CHST8: variants seen among roughly 807,000 people sequenced by gnomAD.
CHST8 encodes the protein carbohydrate sulfotransferase 8, also known as GALNAC-4-ST1.
In CHST8, 10 loss-of-function variants were observed where a neutral mutation model predicts 15.0. That is an observed-to-expected ratio of 0.67 (90% CI 0.41 to 1.13). The LOEUF (loss-of-function observed/expected upper bound fraction) is 1.13. CHST8 is among the 50% of genes most tolerant of loss of function. The pLI is 0.00. For missense variants in CHST8, 634 were observed against 608.2 expected (o/e 1.04, Z -0.45); for synonymous variants, 259 against 256.6 (o/e 1.01, Z -0.09).
chr19:33,721,159 T>C (rs1186845767), intron 3 of CHST8, among the ~76,000 whole-genome samples: 1 of 152,164 alleles, frequency 6.6e-6, no homozygotes, highest in African/African-American at 2.4e-5. Context: ...TCGGGGACCC[T>C]CTCTGGGGGC....
intron 3 of CHST8, among the ~76,000 whole-genome samples, chr19:33,733,482 G>T (rs888087896): frequency 3.3e-5 from 5 of 152,094 alleles, no homozygotes; most frequent in Non-Finnish European, 5.9e-5. Context: ...TAATCTACCC[G>T]CCTTGGCCTC....
At position 33,764,089 on chromosome 19, in the gene CHST8, A is replaced by G. The variant is rs546178455; in HGVS notation, c.131-7324A>G. Reference sequence around the variant, plus strand: ...GGGCCCTTCCCAGCTGGGAGGCTCCAGCCAGAACCCTGGGCCCAGCTTCTG... The same window carrying G: ...GGGCCCTTCCCAGCTGGGAGGCTCCGGCCAGAACCCTGGGCCCAGCTTCTG... On this transcript the variant is annotated intron_variant, in intron 3 of 4. Transcript: ENST00000650847. Among the ~76,000 whole-genome samples the G allele has an allele frequency of 2.0e-5, 3 of 152,306 alleles. No individual in the cohort carries two copies. The South Asian group carries it at 6.2e-4, about 32-fold the overall frequency.
intron 3 of CHST8, among the ~76,000 whole-genome samples, chr19:33,762,130 T>TGG (rs1470301630): frequency 6.6e-6 from 1 of 152,178 alleles, no homozygotes; most frequent in Non-Finnish European, 1.5e-5. Flanking sequence ...GGTGATGCAG[T>TGG]GGGTGGCGCG....
intron 3 of CHST8, among the ~76,000 whole-genome samples, chr19:33,750,729 C>G (rs1974400652): frequency 6.6e-6 from 1 of 152,216 alleles, no homozygotes; most frequent in Non-Finnish European, 1.5e-5. Context: ...CCTCACGGTT[C>G]TCTTACAAGG....
chr19:33,772,177 C>T lies in CHST8; in HGVS notation c.389C>T (p.Ser130Leu), dbSNP rs753923654. 29 of 1,597,796 alleles carry T rather than the reference C, an allele frequency of 1.8e-5. No homozygotes were observed. Among genetic ancestry groups the T allele is most frequent in the Non-Finnish European group, 2.3e-5 (27 of 1,174,282 alleles). Reference sequence around the variant, plus strand: ...GCGGCGACCATCCCGGCCAACAGCTCGGACGCGCCCTTCATCCGGCCGGGA... The same window carrying T: ...GCGGCGACCATCCCGGCCAACAGCTTGGACGCGCCCTTCATCCGGCCGGGA... ...PAAATIPANS[S>L]DAPFIRPGPG... The change falls in exon 5 of 5, where the codon TCG (serine) becomes TTG (leucine). Residue 130 changes from serine (S) to leucine (L), a missense_variant. Physicochemically the swap from Ser to Leu is moderately radical, Grantham distance 145 (BLOSUM62 -2). Transcript: ENST00000650847.
intron 3 of CHST8, among the ~76,000 whole-genome samples, chr19:33,746,557 C>T (rs1471852720): frequency 1.3e-5 from 2 of 152,202 alleles, no homozygotes; most frequent in South Asian, 2.1e-4. Flanking sequence ...AGCAGTATTC[C>T]GTAGAATGGA....
At chr19:33,673,803 A>C (rs1972774697) in intron 2 of CHST8, among the ~76,000 whole-genome samples, 1 of 152,050 alleles carries the variant, frequency 6.6e-6, no homozygotes, top group African/African-American at 2.4e-5. Flanking sequence ...GCCCAGGCTG[A>C]AGTGCAGTGG....
At chr19:33,756,100 G>T (rs1175237034) in intron 3 of CHST8, among the ~76,000 whole-genome samples, 27 of 152,328 alleles carry the variant, frequency 1.8e-4, no homozygotes, top group Admixed American at 1.6e-3. Context: ...GGAGAGCGAA[G>T]AACGGGAAGG....
chr19:33,757,526 A>C (rs12609532), intron 3 of CHST8, among the ~76,000 whole-genome samples: 1 of 17,656 alleles, frequency 5.7e-5, no homozygotes, highest in Non-Finnish European at 1.1e-4. Context: ...AAGAAAGAGA[A>C]AGAAAGAAAG....
At chr19:33,709,146 A>G (rs902739017) in intron 3 of CHST8, among the ~76,000 whole-genome samples, 2 of 152,232 alleles carry the variant, frequency 1.3e-5, no homozygotes, top group Non-Finnish European at 2.9e-5. Context: ...TACATACAGA[A>G]TTATGCTCTC....
chr19:33,671,380 A>C (rs1178392880), intron 2 of CHST8, among the ~76,000 whole-genome samples: 2 of 152,080 alleles, frequency 1.3e-5, no homozygotes, highest in African/African-American at 4.8e-5. Context: ...TTCCCAGGCC[A>C]ACCTGTTTCT....
chr19:33,725,460 G>A (rs1234103606), intron 3 of CHST8, among the ~76,000 whole-genome samples: 1 of 152,194 alleles, frequency 6.6e-6, no homozygotes, highest in Non-Finnish European at 1.5e-5. Context: ...CAGGGTCCCT[G>A]CTGAGCCCTG....
intron 2 of CHST8, among the ~76,000 whole-genome samples, chr19:33,675,917 C>T (rs192507975): frequency 5.5e-4 from 83 of 152,278 alleles, no homozygotes; most frequent in Middle Eastern, 3.4e-3. Context: ...TCCAGGCTCC[C>T]GGGTTGGGGG....
intron 3 of CHST8, among the ~76,000 whole-genome samples, chr19:33,701,200 T>C (rs284336): frequency 0.067 from 10,264 of 152,084 alleles, 994 homozygotes; most frequent in African/African-American, 0.22. Context: ...GCCCAGGCCG[T>C]TCCCCTTAGC....
rs145576684 is a variant in CHST8 at position 33,725,067 on chromosome 19, G to A, written c.130+35676G>A. ...GCTGTGTGTGCAAGTGCAAGCATAT[G>A]TATCGGGGGGCGCTGTTATGAGGGA... On this transcript the variant is annotated intron_variant, in intron 3 of 4. Transcript: ENST00000650847. Among the ~76,000 whole-genome samples the A allele has an allele frequency of 4.6e-3, 701 of 152,292 alleles. 3 individuals carry two copies. The highest frequency in any genetic ancestry group is 0.015 in the African/African-American group (632 of 41,558).
chr19:33,726,797 CAGGGGCTGCAAAGAA>C (rs1973911348), intron 3 of CHST8, among the ~76,000 whole-genome samples: 1 of 151,906 alleles, frequency 6.6e-6, no homozygotes, highest in Non-Finnish European at 1.5e-5. Flanking sequence ...AGACGTGGGC[CAGGGGCTGCAAAGAA>C]AGGGGCTGAG....
intron 3 of CHST8, among the ~76,000 whole-genome samples, chr19:33,750,314 T>C (rs948897943): frequency 6.6e-6 from 1 of 152,160 alleles, no homozygotes; most frequent in African/African-American, 2.4e-5. Flanking sequence ...CCGTCTGCTA[T>C]AGGGGCTGTG....
chr19:33,709,865 G>A (rs1029100502), intron 3 of CHST8, among the ~76,000 whole-genome samples: 1 of 152,074 alleles, frequency 6.6e-6, no homozygotes, highest in Non-Finnish European at 1.5e-5. Flanking sequence ...TAAAGATGGA[G>A]TTTTGCTATT....
chr19:33,756,396 A>C (rs1425197988), intron 3 of CHST8, among the ~76,000 whole-genome samples: 1 of 152,070 alleles, frequency 6.6e-6, no homozygotes, highest in East Asian at 1.9e-4. Context: ...TGGCTAATGG[A>C]CAGTTTCACC....
Sources: allele counts gnomAD v4.1 joint callset (sites outside exome capture counted in the v4.1 genomes callset), GRCh38; gene constraint gnomAD v4.1.1; transcripts MANE v1.5; gene names NCBI Gene and HGNC (gene_info 2026-07-23, HGNC 2026-07-21).